RAB37: variants seen among roughly 807,000 people sequenced by gnomAD.
RAB37 encodes ras-related protein Rab-37.
RAB37 carries 29 observed loss-of-function variants against 33.1 expected under a neutral mutation model. The observed-to-expected ratio is 0.88, with a 90% CI of 0.65 to 1.20. The LOEUF (loss-of-function observed/expected upper bound fraction) is 1.20, where lower values mean the gene tolerates loss of function less well. RAB37 is among the 50% of genes most tolerant of loss of function. RAB37 has a pLI of 0.00. For missense variants in RAB37, 299 were observed against 301.1 expected (o/e 0.99, Z 0.05); for synonymous variants, 128 against 119.5 (o/e 1.07, Z -0.47).
intron 1 of RAB37, among the ~76,000 whole-genome samples, chr17:74,682,808 G>A (rs2143480123): frequency 6.6e-6 from 1 of 152,344 alleles, no homozygotes; most frequent in East Asian, 1.9e-4. Flanking sequence ...GGAAGCTGAG[G>A]CAGGAGAATC....
chr17:74,737,107 G>A (rs2034491362), upstream of RAB37: 2 of 1,602,310 alleles, frequency 1.2e-6, no homozygotes, highest in African/African-American at 1.3e-5. Flanking sequence ...GTGCCCTCAG[G>A]GAACAGCAAG....
Position 74,671,415 on chromosome 17 carries a change from C to T in RAB37, c.-172C>T. 8.1e-6 allele frequency: 5 copies of T among 618,310 alleles called. No individual in the cohort carries two copies. The South Asian group carries it at 9.8e-5, about 12-fold the overall frequency. The allele number at this position is 618,310 out of a possible 1,614,324, so 38.3% of individuals were successfully genotyped here. ...TGGAAGAACGTGGCCGCCTGCCCGC[C>T]TGGTACCGCGCCGCGGCCGCTGCGG... On this transcript the variant is annotated 5_prime_UTR_variant, in exon 1 of 8. Transcript: ENST00000340415. The surrounding 1 kb of genome is among the most constrained non-coding windows in gnomAD (Gnocchi z 5.0).
At position 74,744,605 on chromosome 17, in the gene RAB37, A is replaced by G; in HGVS notation, c.432+232A>G. 2 of 624,756 alleles carry G rather than the reference A, an allele frequency of 3.2e-6. No individual in the cohort carries two copies. The highest frequency in any genetic ancestry group is 5.7e-6 in the Non-Finnish European group (2 of 353,854). The allele number at this position is 624,756 out of a possible 1,614,324, so 38.7% of individuals were successfully genotyped here. A position where few individuals can be genotyped will look rare whatever the true frequency, so the allele number is the denominator to read the frequency against. On this transcript the variant is annotated intron_variant, in intron 6 of 8. Transcript: ENST00000392613. This position sits in a 1 kb window ranked among gnomAD's most constrained non-coding sequence, Gnocchi z 4.2. ...GGGTGCCCAGTTCTCAGCCCCCATT[A>G]GAGCAGAGTGAACAGGGTCCCAGGT...
At chr17:74,702,621 A>T (rs1277338953) in intron 1 of RAB37, among the ~76,000 whole-genome samples, 1 of 152,150 alleles carries the variant, frequency 6.6e-6, no homozygotes, top group Non-Finnish European at 1.5e-5. Flanking sequence ...AGTTGAACCA[A>T]GAGTCATCCC....
At position 74,745,097 on chromosome 17, in the gene RAB37, C is replaced by A. The variant is rs1335653679; in HGVS notation, c.566+13C>A. The stretch of plus-strand genomic sequence containing the variant: ...TGGCCATCGCCAAGTGAGAGCTGGG[C>A]AGGGAAGGGAAGTGTGCGGGGCAGG... On this transcript the variant is annotated intron_variant, in intron 8 of 8. Transcript: ENST00000392613. This position sits in a 1 kb window ranked among gnomAD's most constrained non-coding sequence, Gnocchi z 4.5. 6.2e-7 allele frequency: 1 copy of A among 1,613,810 alleles called. No homozygotes were observed. The highest frequency in any genetic ancestry group is 2.2e-5 in the East Asian group (1 of 44,862).
At chr17:74,682,033 A>G (rs1045465334) in intron 1 of RAB37, among the ~76,000 whole-genome samples, 1 of 152,248 alleles carries the variant, frequency 6.6e-6, no homozygotes, top group East Asian at 1.9e-4. Context: ...CCAGCTGTAC[A>G]TTCTAGGTCA....
intron 1 of RAB37, among the ~76,000 whole-genome samples, chr17:74,675,364 G>A (rs755289832): frequency 6.6e-6 from 1 of 151,980 alleles, no homozygotes; most frequent in Non-Finnish European, 1.5e-5. Context: ...TAACCTGGGA[G>A]GCAGAGGTTG....
upstream of RAB37, chr17:74,736,863 G>A: frequency 8.5e-6 from 13 of 1,521,496 alleles, no homozygotes; most frequent in Non-Finnish European, 1.1e-5. Context: ...CTCGCCACCT[G>A]GGGACAGCCC....
At chr17:74,736,689 C>G (rs1364428946), upstream of RAB37, 2 of 1,535,734 alleles carry the variant, frequency 1.3e-6, no homozygotes, top group South Asian at 2.4e-5. Flanking sequence ...GTCCCCGCAC[C>G]AGGCAGAGGC....
chr17:74,686,397 A>T (rs1216692145), intron 1 of RAB37, among the ~76,000 whole-genome samples: 1 of 149,524 alleles, frequency 6.7e-6, no homozygotes, highest in African/African-American at 2.5e-5. Context: ...CCGGCCTATT[A>T]TTATTATTTT....
Position 74,676,610 on chromosome 17 carries a change from C to G in RAB37, c.72+4952C>G, listed in dbSNP as rs971795144. Among the ~76,000 whole-genome samples the G allele has an allele frequency of 6.6e-6, 1 of 152,186 alleles. No individual in the cohort carries two copies. The highest frequency in any genetic ancestry group is 1.5e-5 in the Non-Finnish European group (1 of 68,046). ...CCGCATGCCTCATCGATTCATTCAG[C>G]AAACATGCATTGGACATTTCCAAAG... On this transcript the variant is annotated intron_variant, in intron 1 of 7. Transcript: ENST00000340415. This position sits in a 1 kb window ranked among gnomAD's most constrained non-coding sequence, Gnocchi z 4.1.
At chr17:74,684,732 G>GTGAGCCAAGATTGTGCCAC (rs2032020281) in intron 1 of RAB37, among the ~76,000 whole-genome samples, 1 of 152,144 alleles carries the variant, frequency 6.6e-6, no homozygotes, top group Admixed American at 6.5e-5. Context: ...AGAGGTTGCA[G>GTGAGCCAAGATTGTGCCAC]TGAGCCAAGA....
rs147227542 is a variant in RAB37, at chr17:74,709,921, T to C, written c.73-19335T>C. On this transcript the variant is annotated intron_variant, in intron 1 of 7. Transcript: ENST00000340415. ...AATACTATAGGCATTCCTATTGACA[T>C]CATAAACAAAACATGAATTCCCAAT... Among the ~76,000 whole-genome samples, 51 of 152,114 alleles carry C rather than the reference T, an allele frequency of 3.4e-4. No homozygotes were observed. The East Asian group carries it at 9.7e-3, about 29-fold the overall frequency.
At chr17:74,724,691 T>C (rs972033128) in intron 1 of RAB37, among the ~76,000 whole-genome samples, 3 of 152,088 alleles carry the variant, frequency 2.0e-5, no homozygotes, top group Non-Finnish European at 4.4e-5. Flanking sequence ...CAGGGATGGA[T>C]CTCACAAAGT....
intron 1 of RAB37, among the ~76,000 whole-genome samples, chr17:74,681,303 G>T (rs770429184): frequency 1.3e-5 from 2 of 152,212 alleles, no homozygotes; most frequent in African/African-American, 4.8e-5. Context: ...GATCTGAGGG[G>T]TTATAAAGCC....
upstream of RAB37, chr17:74,736,962 TC>T (rs767537674): frequency 1.8e-5 from 28 of 1,542,590 alleles, no homozygotes; most frequent in East Asian, 6.5e-4. Context: ...CGCGGCCCGC[TC>T]CCCCAGGGGC....
upstream of RAB37, chr17:74,736,964 C>T (rs1407451808): frequency 1.3e-6 from 2 of 1,552,042 alleles, no homozygotes; most frequent in East Asian, 4.8e-5. Context: ...CGGCCCGCTC[C>T]CCCAGGGGCA....
intron 1 of RAB37, among the ~76,000 whole-genome samples, chr17:74,681,253 C>A (rs1200394126): frequency 1.3e-5 from 2 of 152,180 alleles, no homozygotes; most frequent in South Asian, 2.1e-4. Flanking sequence ...AAGCTTGCAG[C>A]TCTCGAGGCT....
At chr17:74,695,002 G>C (rs1029945330) in intron 1 of RAB37, 1 of 1,364,440 alleles carries the variant, frequency 7.3e-7, no homozygotes, top group Non-Finnish European at 1.0e-6. Context: ...ACCAGTCCCC[G>C]GGTTGGTCCT....
Sources: allele counts gnomAD v4.1 joint callset (sites outside exome capture counted in the v4.1 genomes callset), GRCh38; gene constraint gnomAD v4.1.1; non-coding constraint Gnocchi (gnomAD v3.1); transcripts MANE v1.5; gene names NCBI Gene and HGNC (gene_info 2026-07-23, HGNC 2026-07-21).